TRIM67: variants seen among roughly 807,000 people sequenced by gnomAD.
TRIM67 encodes tripartite motif containing 67.
TRIM67 carries 39 observed loss-of-function variants against 71.0 expected under a neutral mutation model. That is an observed-to-expected ratio of 0.55 (90% CI 0.43 to 0.72). The LOEUF is 0.72. Ranked by LOEUF, TRIM67 falls within the 30% of genes least tolerant of loss-of-function variation. The pLI, the probability that TRIM67 is intolerant of heterozygous loss-of-function variation, is 0.00. For missense variants in TRIM67, 973 were observed against 1,079.2 expected, an observed-to-expected ratio of 0.90 and a Z score of 1.38; for synonymous variants, 481 against 473.9, an observed-to-expected ratio of 1.01 and a Z score of -0.19.
At chr1:231,208,823 G>A in intron 7 of TRIM67, 124 bp from the exon 8 acceptor site, 2 of 857,724 alleles carry the variant, frequency 2.3e-6, no homozygotes, top group Middle Eastern at 2.4e-4. Context: ...ATACAGGAAA[G>A]ACCCTTCACT....
At chr1:231,211,570 G>T (rs1433860238) in intron 8 of TRIM67, among the ~76,000 whole-genome samples, 2 of 152,130 alleles carry the variant, frequency 1.3e-5, no homozygotes, top group African/African-American at 4.8e-5. Context: ...GCCGGATCCC[G>T]CCCCGGGCAC....
chr1:231,165,256 G>T (rs1435091851), intron 1 of TRIM67, among the ~76,000 whole-genome samples: 1 of 152,192 alleles, frequency 6.6e-6, no homozygotes, highest in Admixed American at 6.5e-5. Flanking sequence ...CAGTGCTCTG[G>T]AGAGAAATCC....
chr1:231,203,764 C>A, intron 5 of TRIM67, 103 bp from the exon 6 acceptor site: 1 of 1,434,900 alleles, frequency 7.0e-7, no homozygotes, highest in Non-Finnish European at 9.3e-7. Flanking sequence ...TTTAGCCTGG[C>A]TGTCCTCTGG....
At position 231,218,718 on chromosome 1, in the gene TRIM67, T is replaced by TA. The variant is rs1258328939; in HGVS notation, c.*3279dup. 2 of 985,330 alleles carry TA rather than the reference T, an allele frequency of 2.0e-6. No individual in the cohort carries two copies. Among genetic ancestry groups the TA allele is most frequent in the Non-Finnish European group, 1.2e-6 (1 of 829,956 alleles). The allele number at this position is 985,330 out of a possible 1,614,324, so 61.0% of individuals were successfully genotyped here. A position where few individuals can be genotyped will look rare whatever the true frequency, so the allele number is the denominator to read the frequency against. On this transcript the variant is annotated 3_prime_UTR_variant, in exon 10 of 10. Transcript: ENST00000366653. ...TTTCCAGGCTGCATCTTCAGCCTGA[T>TA]ATGTACTTTGTAGTTGCAACAGCGC...
chr1:231,187,819 C>G (rs986819512), intron 1 of TRIM67, among the ~76,000 whole-genome samples: 1 of 152,160 alleles, frequency 6.6e-6, no homozygotes, highest in African/African-American at 2.4e-5. Flanking sequence ...TGGAGAGAGA[C>G]CCAGGCAGGC....
In TRIM67 at chr1:231,215,367, T is replaced by C; in HGVS notation, c.2287-8T>C. 2 of 1,612,166 alleles carry C rather than the reference T, an allele frequency of 1.2e-6. No homozygotes were observed. Among genetic ancestry groups the C allele is most frequent in the Non-Finnish European group, 1.7e-6 (2 of 1,178,804 alleles). ...TCCCACCCTCACTTGCCCTGTCTTCTTTTCCAGGTCACCCTGCACACAGGA... is the reference window on the plus strand; with the variant it reads ...TCCCACCCTCACTTGCCCTGTCTTCCTTTCCAGGTCACCCTGCACACAGGA... On this transcript the variant is annotated splice_polypyrimidine_tract_variant and splice_region_variant and intron_variant, in intron 9 of 9. Coordinates refer to ENST00000366653, the MANE Select transcript of TRIM67 (RefSeq NM_001004342.5).
chr1:231,165,026 A>C (rs1417179589), intron 1 of TRIM67, among the ~76,000 whole-genome samples: 1 of 152,212 alleles, frequency 6.6e-6, no homozygotes, highest in Admixed American at 6.5e-5. Flanking sequence ...ATAAATATGC[A>C]GTCAAATCCC....
intron 1 of TRIM67, among the ~76,000 whole-genome samples, chr1:231,167,201 A>G (rs1009125227): frequency 5.3e-5 from 8 of 151,994 alleles, no homozygotes; most frequent in Non-Finnish European, 1.0e-4. Context: ...GCCTTAAAAG[A>G]AAATCTCACT....
rs374485727 is a variant in TRIM67, at chr1:231,209,035, C to T, written c.1908C>T (p.Asp636=). 42 of 1,613,444 alleles carry T rather than the reference C, an allele frequency of 2.6e-5. No homozygotes were observed. The Middle Eastern group carries it at 8.2e-4, about 32-fold the overall frequency. The change falls in exon 8 of 10, where the codon GAC becomes GAT. Residue 636 remains aspartate, a synonymous_variant. Coordinates refer to ENST00000366653, the MANE Select transcript of TRIM67 (RefSeq NM_001004342.5). This position sits in a 1 kb window ranked among gnomAD's most constrained non-coding sequence, Gnocchi z 4.1. ...DNQTATCSSY[D]DRVVLGTAAF... is the part of the protein sequence containing the mutation. Reference sequence around the variant, plus strand: ...AGACAGCCACCTGCAGCAGCTATGACGACCGGGTGGTGCTGGGCACAGCTG... The same window carrying T: ...AGACAGCCACCTGCAGCAGCTATGATGACCGGGTGGTGCTGGGCACAGCTG...
chr1:231,191,094 C>T (rs1349529233), intron 1 of TRIM67, among the ~76,000 whole-genome samples: 3 of 152,144 alleles, frequency 2.0e-5, no homozygotes, highest in African/African-American at 7.2e-5. Context: ...GACAAGTTTT[C>T]ACTCTGTCAC....
chr1:231,176,837 C>G (rs1385344653), intron 1 of TRIM67, among the ~76,000 whole-genome samples: 1 of 136,466 alleles, frequency 7.3e-6, no homozygotes, highest in Non-Finnish European at 1.5e-5. Context: ...CAGGAATAGC[C>G]AGGCTATAAT....
At chr1:231,197,566 C>A in intron 2 of TRIM67, 100 bp downstream of exon 2, 1 of 1,097,940 alleles carries the variant, frequency 9.1e-7, no homozygotes, top group Non-Finnish European at 1.4e-6. Flanking sequence ...TGGCTCACAC[C>A]TGTAATCCCA....
rs1241637761 is a variant in TRIM67, at chr1:231,213,985, C to A, written c.2286+8C>A. The stretch of plus-strand genomic sequence containing the variant: ...CTCAACCGCAACGTGCAGGTACACA[C>A]CTCCCCAGGGCCGGACCTGGTCTGG... On this transcript the variant is annotated splice_region_variant and intron_variant, in intron 9 of 9. Coordinates refer to ENST00000366653, the MANE Select transcript of TRIM67 (RefSeq NM_001004342.5). 1 of 1,604,890 alleles carries A rather than the reference C, an allele frequency of 6.2e-7. No individual in the cohort carries two copies. Among genetic ancestry groups the A allele is most frequent in the Non-Finnish European group, 8.5e-7 (1 of 1,174,794 alleles).
Position 231,175,397 on chromosome 1 carries a change from G to A in TRIM67, c.1044+11384G>A, listed in dbSNP as rs114006753. Among the ~76,000 whole-genome samples, 78 of 152,358 alleles carry A rather than the reference G, an allele frequency of 5.1e-4. 2 individuals are homozygous for A. Among genetic ancestry groups the A allele is most frequent in the African/African-American group, 1.9e-3 (77 of 41,582 alleles). ...GTCTGAGTTTTTAGCCTACTTACAA[G>A]CCAACAAATTAGCCTGCCAGAGTTT... On this transcript the variant is annotated intron_variant, in intron 1 of 9. Transcript: ENST00000366653.
intron 8 of TRIM67, among the ~76,000 whole-genome samples, chr1:231,212,446 C>A (rs937661050): frequency 6.6e-6 from 1 of 152,268 alleles, no homozygotes; most frequent in East Asian, 1.9e-4. Context: ...GGTGAGGAGC[C>A]TTTAGTGTCT....
intron 8 of TRIM67, among the ~76,000 whole-genome samples, chr1:231,213,163 G>T (rs541680466): frequency 3.3e-5 from 5 of 152,222 alleles, no homozygotes; most frequent in Admixed American, 6.5e-5. Flanking sequence ...ATTTTCTTTG[G>T]CAGGAAAAGG....
In TRIM67 at chr1:231,213,983, C is replaced by A; in HGVS notation, c.2286+6C>A. 6.2e-7 allele frequency: 1 copy of A among 1,605,894 alleles called. No individual in the cohort carries two copies. The highest frequency in any genetic ancestry group is 8.5e-7 in the Non-Finnish European group (1 of 1,175,352). Reference sequence around the variant, plus strand: ...GCCTCAACCGCAACGTGCAGGTACACACCTCCCCAGGGCCGGACCTGGTCT... The same window carrying A: ...GCCTCAACCGCAACGTGCAGGTACAAACCTCCCCAGGGCCGGACCTGGTCT... On this transcript the variant is annotated splice_donor_region_variant and intron_variant, in intron 9 of 9. Transcript: ENST00000366653.
chr1:231,202,071 G>GAGGAGGAGGTGGAAA (rs1553327050), intron 5 of TRIM67, among the ~76,000 whole-genome samples: 3 of 123,164 alleles, frequency 2.4e-5, no homozygotes, highest in African/African-American at 7.6e-5. Context: ...GGAGATGGAG[G>GAGGAGGAGGTGGAAA]AGGAGGAGGT....
intron 1 of TRIM67, among the ~76,000 whole-genome samples, chr1:231,170,178 G>T (rs1361053238): frequency 6.6e-6 from 1 of 151,914 alleles, no homozygotes; most frequent in African/African-American, 2.4e-5. Context: ...TAGAGATGGG[G>T]TTTCCCCGTG....
Sources: allele counts gnomAD v4.1 joint callset (sites outside exome capture counted in the v4.1 genomes callset), GRCh38; gene constraint gnomAD v4.1.1; non-coding constraint Gnocchi (gnomAD v3.1); transcripts MANE v1.5; gene names NCBI Gene and HGNC (gene_info 2026-07-23, HGNC 2026-07-21).